Variants in DSCAM observed in about 807,000 individuals in gnomAD.
The protein encoded by DSCAM is cell adhesion molecule DSCAM.
In DSCAM, 47 loss-of-function variants were observed where a neutral mutation model predicts 217.7. The ratio of observed to expected loss-of-function variants is 0.22; its 90% CI spans 0.17 to 0.28. The LOEUF (loss-of-function observed/expected upper bound fraction) is 0.28, where lower values mean the gene tolerates loss of function less well. DSCAM is among the 10% of genes least tolerant of loss of function. DSCAM has a pLI of 1.00. For synonymous variants in DSCAM, 1,056 were observed against 1,015.3 expected (o/e 1.04, Z -0.76); for missense variants, 2,080 against 2,618.3 (o/e 0.79, Z 4.49).
rs13049706 is a variant in DSCAM at position 40,149,371 on chromosome 21, C to T, written c.3019-4640G>A. Among the ~76,000 whole-genome samples the T allele has an allele frequency of 4.0e-5, 6 of 149,246 alleles. 1 individual carries two copies. The highest frequency in any genetic ancestry group is 7.4e-5 in the Non-Finnish European group (5 of 67,412). On this transcript the variant is annotated intron_variant, in intron 16 of 32. Transcript: ENST00000400454. ...TCACCACCACCATCCATTACTTCTTCACTATCCCAACACCAACACCACTGT... is the reference window on the plus strand; with the variant it reads ...TCACCACCACCATCCATTACTTCTTTACTATCCCAACACCAACACCACTGT...
At chr21:40,592,683 C>T (rs1201424617) in intron 3 of DSCAM, among the ~76,000 whole-genome samples, 4 of 152,152 alleles carry the variant, frequency 2.6e-5, no homozygotes, top group Admixed American at 2.0e-4. Context: ...CCAAGGGAGA[C>T]CTTGGAGAAC....
chr21:40,027,208 A>G (rs2088408295), intron 32 of DSCAM, among the ~76,000 whole-genome samples: 1 of 152,222 alleles, frequency 6.6e-6, no homozygotes, highest in Non-Finnish European at 1.5e-5. Flanking sequence ...ATTGGCCCCC[A>G]CTCTCTTCTG....
intron 11 of DSCAM, among the ~76,000 whole-genome samples, chr21:40,199,826 A>C (rs2091051672): frequency 6.6e-6 from 1 of 152,150 alleles, no homozygotes; most frequent in South Asian, 2.1e-4. Context: ...TAATGCATGC[A>C]GGGCTTAAAA....
intron 8 of DSCAM, among the ~76,000 whole-genome samples, chr21:40,315,320 C>T (rs1213715427): frequency 1.3e-5 from 2 of 151,618 alleles, no homozygotes; most frequent in Admixed American, 1.3e-4. Flanking sequence ...AGGAGAATTG[C>T]TTGAACCCGG....
In DSCAM at chr21:40,072,548, CCA is replaced by C. The variant is rs1170938420; in HGVS notation, c.4888+2487_4888+2488del. Among the ~76,000 whole-genome samples the C allele has an allele frequency of 3.9e-5, 6 of 151,968 alleles. No individual in the cohort carries two copies. The South Asian group carries it at 6.3e-4, about 16-fold the overall frequency. Reference sequence around the variant, plus strand: ...TATTTTTAGTAGAGACGGGGTTTCACCATGTTAGCCAGGATGGTCTCGATCTC... The same window carrying C: ...TATTTTTAGTAGAGACGGGGTTTCACTGTTAGCCAGGATGGTCTCGATCTC... On this transcript the variant is annotated intron_variant, in intron 27 of 32. Transcript: ENST00000400454.
chr21:40,195,157 A>C (rs2837486), intron 11 of DSCAM, among the ~76,000 whole-genome samples: 73,070 of 151,932 alleles, frequency 0.48, 18,332 homozygotes, highest in African/African-American at 0.62. Context: ...TAAATTGATG[A>C]ATATCTTAAT....
intron 8 of DSCAM, among the ~76,000 whole-genome samples, chr21:40,329,818 T>A (rs539755067): frequency 6.6e-6 from 1 of 152,136 alleles, no homozygotes; most frequent in Non-Finnish European, 1.5e-5. Flanking sequence ...ATCATCTAAC[T>A]CATATATGCA....
intron 1 of DSCAM, among the ~76,000 whole-genome samples, chr21:40,774,484 C>A (rs1271189337): frequency 1.3e-5 from 2 of 152,224 alleles, no homozygotes; most frequent in Non-Finnish European, 2.9e-5. Context: ...TTCTTTGTTG[C>A]CTGGCCATGT....
chr21:40,477,756 C>T (rs2075949585), intron 3 of DSCAM, among the ~76,000 whole-genome samples: 1 of 152,098 alleles, frequency 6.6e-6, no homozygotes, highest in Non-Finnish European at 1.5e-5. Flanking sequence ...TCCAATCATG[C>T]ATTTTCATTT....
At chr21:40,026,638 G>C (rs1356218333) in intron 32 of DSCAM, among the ~76,000 whole-genome samples, 3 of 148,186 alleles carry the variant, frequency 2.0e-5, no homozygotes, top group Non-Finnish European at 4.5e-5. Flanking sequence ...GGCCTTCTTT[G>C]TCTCTTTTGA....
intron 3 of DSCAM, among the ~76,000 whole-genome samples, chr21:40,436,149 C>T (rs146521113): frequency 7.2e-5 from 11 of 152,266 alleles, no homozygotes; most frequent in Middle Eastern, 3.4e-3. Flanking sequence ...GACATAACCC[C>T]ATCATAAGTC....
chr21:40,726,873 G>A lies in DSCAM; in HGVS notation c.44-18102C>T, dbSNP rs76734016. ...GGAGTAATGGATTAATTGATTAGTG[G>A]GTGGGTTGTCATGGAAGTGGGACTG... On this transcript the variant is annotated intron_variant, in intron 1 of 32. Transcript: ENST00000400454. Among the ~76,000 whole-genome samples, 5 of 152,144 alleles carry A rather than the reference G, an allele frequency of 3.3e-5. No homozygotes were observed. In the East Asian group the frequency reaches 9.7e-4, roughly 29 times the overall value.
At chr21:40,793,224 C>A (rs1406751714) in intron 1 of DSCAM, among the ~76,000 whole-genome samples, 5 of 152,292 alleles carry the variant, frequency 3.3e-5, no homozygotes, top group Non-Finnish European at 7.4e-5. Context: ...AGGTTTCATA[C>A]CACGTGCCAA....
At chr21:40,497,880 C>G (rs1295684619) in intron 3 of DSCAM, among the ~76,000 whole-genome samples, 4 of 152,200 alleles carry the variant, frequency 2.6e-5, no homozygotes, top group African/African-American at 9.6e-5. Context: ...GTATTTCCAG[C>G]TATGAGAACT....
At chr21:40,037,965 T>C (rs894031162) in intron 32 of DSCAM, among the ~76,000 whole-genome samples, 3 of 146,084 alleles carry the variant, frequency 2.1e-5, no homozygotes, top group African/African-American at 7.6e-5. Context: ...GCTAGCCATA[T>C]GTAGAAAGCT....
rs114452393 is a variant in DSCAM at position 40,390,423 on chromosome 21, T to G, written c.509-21178A>C. Among the ~76,000 whole-genome samples, 458 of 152,294 alleles carry G rather than the reference T, an allele frequency of 3.0e-3. 2 individuals are homozygous for G. Among genetic ancestry groups the G allele is most frequent in the African/African-American group, 0.011 (447 of 41,564 alleles). On this transcript the variant is annotated intron_variant, in intron 3 of 32. Transcript: ENST00000400454. ...TTCATGGAGAGAAGGTGGATAGCCT[T>G]GGGTTAGCTGATTGCTGATGCACCC...
chr21:40,531,573 G>A (rs1307197288), intron 3 of DSCAM, among the ~76,000 whole-genome samples: 2 of 152,240 alleles, frequency 1.3e-5, no homozygotes, highest in South Asian at 2.1e-4. Flanking sequence ...CAGGGCAAGG[G>A]TGAAGGAAGA....
At chr21:40,728,526 C>G (rs2090980909) in intron 1 of DSCAM, among the ~76,000 whole-genome samples, 1 of 152,096 alleles carries the variant, frequency 6.6e-6, no homozygotes, top group Non-Finnish European at 1.5e-5. Flanking sequence ...TCAAGCAAAT[C>G]TCCTGCCTCA....
At chr21:40,254,511 C>T (rs752879692) in intron 11 of DSCAM, among the ~76,000 whole-genome samples, 152 of 152,294 alleles carry the variant, frequency 1.0e-3, no homozygotes, top group Non-Finnish European at 2.0e-3. Flanking sequence ...TAGTCATGAG[C>T]TTTTCCAACC....
Sources: allele counts gnomAD v4.1 joint callset (sites outside exome capture counted in the v4.1 genomes callset), GRCh38; gene constraint gnomAD v4.1.1; transcripts MANE v1.5; gene names NCBI Gene and HGNC (gene_info 2026-07-23, HGNC 2026-07-21).